CORO2B: variants seen among roughly 807,000 people sequenced by gnomAD.
CORO2B encodes coronin-2B.
A neutral mutation model predicts 58.8 loss-of-function variants in CORO2B; 26 were observed. The ratio of observed to expected loss-of-function variants is 0.44; its 90% CI spans 0.32 to 0.61. The LOEUF is 0.61. Among genes scored for constraint, CORO2B ranks in the 20% least tolerant of loss-of-function variants. The pLI is 0.04. For synonymous variants in CORO2B, 242 were observed against 253.8 expected (o/e 0.95, Z 0.44); for missense variants, 460 against 645.1 (o/e 0.71, Z 3.11).
chr15:68,635,254 T>C (rs1192920573), intron 1 of CORO2B, among the ~76,000 whole-genome samples: 1 of 152,218 alleles, frequency 6.6e-6, no homozygotes, highest in African/African-American at 2.4e-5. Context: ...AGGCCATCTC[T>C]GAGCCAGCAG....
At chr15:68,534,055 A>G in the CORO2B span, among the ~76,000 whole-genome samples, 2 of 152,172 alleles carry the variant, frequency 1.3e-5, no homozygotes, top group Non-Finnish European at 2.9e-5. Context: ...TTCTCCATGC[A>G]TGCTGATACT....
chr15:68,587,047 T>TACAC (rs1491576017), intron 1 of CORO2B, among the ~76,000 whole-genome samples: 3 of 141,734 alleles, frequency 2.1e-5, no homozygotes, highest in Admixed American at 7.0e-5. Flanking sequence ...GGGAGATATG[T>TACAC]ATACACACAC....
intron 2 of CORO2B, among the ~76,000 whole-genome samples, chr15:68,669,912 C>T (rs1172902817): frequency 6.6e-6 from 1 of 151,720 alleles, no homozygotes. Flanking sequence ...CAAAAATTAG[C>T]CAGGCATGAT....
At chr15:68,702,223 T>G (rs973179045) in intron 3 of CORO2B, among the ~76,000 whole-genome samples, 2 of 152,196 alleles carry the variant, frequency 1.3e-5, no homozygotes, top group African/African-American at 4.8e-5. Context: ...CTTTCCTAGC[T>G]GTGACACCTG....
intron 3 of CORO2B, among the ~76,000 whole-genome samples, chr15:68,703,429 G>A (rs975862373): frequency 1.3e-5 from 2 of 152,090 alleles, no homozygotes; most frequent in Non-Finnish European, 1.5e-5. Flanking sequence ...GGGATTACAG[G>A]TGTGAGCCAC....
chr15:68,541,528 A>T, the CORO2B span, among the ~76,000 whole-genome samples: 1 of 152,182 alleles, frequency 6.6e-6, no homozygotes, highest in Non-Finnish European at 1.5e-5. Flanking sequence ...AACTCGAAGG[A>T]ATCTATATCA....
the CORO2B span, among the ~76,000 whole-genome samples, chr15:68,556,850 G>C: frequency 6.6e-6 from 1 of 152,156 alleles, no homozygotes; most frequent in South Asian, 2.1e-4. Context: ...ACCTCCTAGA[G>C]TTCTCCTTGT....
At chr15:68,588,174 C>T (rs1899616023) in intron 1 of CORO2B, among the ~76,000 whole-genome samples, 1 of 152,208 alleles carries the variant, frequency 6.6e-6, no homozygotes, top group African/African-American at 2.4e-5. Context: ...TATTTCAAGG[C>T]CCTCAGATTT....
At chr15:68,662,006 CAATA>C (rs201951631) in intron 2 of CORO2B, among the ~76,000 whole-genome samples, 12 of 151,200 alleles carry the variant, frequency 7.9e-5, no homozygotes, top group Middle Eastern at 6.9e-3. Flanking sequence ...GACCCTGTCT[CAATA>C]AATAAATAAA....
At chr15:68,574,133 T>C (rs1899235297), upstream of CORO2B, among the ~76,000 whole-genome samples, 2 of 151,940 alleles carry the variant, frequency 1.3e-5, no homozygotes, top group African/African-American at 4.8e-5. Context: ...ACAGACTGAG[T>C]TGCACAAGAG....
chr15:68,726,868 G>A lies in CORO2B; in HGVS notation c.*894G>A, dbSNP rs1181220533. ...TCACCAGTGCCCAAGTCTCTATGGA[G>A]AATGAGAACTGGAAGCCACTGCTAC... On this transcript the variant is annotated 3_prime_UTR_variant, in exon 12 of 12. Transcript: ENST00000261861. 1 of 152,258 alleles carries A rather than the reference G, an allele frequency of 6.6e-6. No homozygotes were observed. The highest frequency in any genetic ancestry group is 2.4e-5 in the African/African-American group (1 of 41,464). 9.4% of individuals were successfully genotyped at this position (152,258 alleles called of 1,614,324 possible).
chr15:68,671,609 C>T (rs1019087749), intron 2 of CORO2B, among the ~76,000 whole-genome samples: 5 of 152,174 alleles, frequency 3.3e-5, no homozygotes, highest in African/African-American at 7.2e-5. Flanking sequence ...TCTGAAGGCT[C>T]GACTGGGGAA....
intron 1 of CORO2B, among the ~76,000 whole-genome samples, chr15:68,629,905 C>A (rs1015067960): frequency 6.6e-6 from 1 of 152,126 alleles, no homozygotes; most frequent in Non-Finnish European, 1.5e-5. Context: ...AGGAAAAGCA[C>A]CCCAGTAGAA....
At chr15:68,676,111 G>A (rs1193996083) in intron 2 of CORO2B, among the ~76,000 whole-genome samples, 3 of 152,184 alleles carry the variant, frequency 2.0e-5, no homozygotes, top group Admixed American at 6.5e-5. Context: ...TGAGTTAGAC[G>A]CTCATCCTGG....
chr15:68,579,374 G>C (rs1899361596), intron 1 of CORO2B, 97 bp downstream of exon 1: 1 of 1,139,052 alleles, frequency 8.8e-7, no homozygotes, highest in Non-Finnish European at 1.1e-6. Context: ...TGGGGAGGGG[G>C]CGCCGGTGCC....
At chr15:68,559,531 G>T in the CORO2B span, 1 of 946,624 alleles carries the variant, frequency 1.1e-6, no homozygotes. This position sits in a 1 kb window ranked among gnomAD's most constrained non-coding sequence, Gnocchi z 4.3. Flanking sequence ...GTAGCGGGGA[G>T]GGCGAAGTTG....
chr15:68,578,191 A>T (rs1899325065), upstream of CORO2B, among the ~76,000 whole-genome samples: 1 of 152,116 alleles, frequency 6.6e-6, no homozygotes, highest in Non-Finnish European at 1.5e-5. The surrounding 1 kb of genome is among the most constrained non-coding windows in gnomAD (Gnocchi z 4.2). Context: ...AACACACAGG[A>T]CGCACCTGTG....
rs572247480 is a variant in CORO2B, at chr15:68,624,495, C to G, written c.16-20665C>G. ...GTGAAAGGTACTGTTCACAGTGTTT[C>G]CTCCAGCCTGGAACTGATATTAGGA... On this transcript the variant is annotated intron_variant, in intron 1 of 11. Transcript: ENST00000261861. Among the ~76,000 whole-genome samples, 5 of 152,124 alleles carry G rather than the reference C, an allele frequency of 3.3e-5. No individual in the cohort carries two copies. The South Asian group carries it at 1.0e-3, about 32-fold the overall frequency.
At chr15:68,594,935 T>C (rs1899790163) in intron 1 of CORO2B, among the ~76,000 whole-genome samples, 1 of 152,228 alleles carries the variant, frequency 6.6e-6, no homozygotes. Flanking sequence ...CTTAGGCAAG[T>C]TGTTAACCTC....
Sources: allele counts gnomAD v4.1 joint callset (sites outside exome capture counted in the v4.1 genomes callset), GRCh38; gene constraint gnomAD v4.1.1; non-coding constraint Gnocchi (gnomAD v3.1); transcripts MANE v1.5; gene names NCBI Gene and HGNC (gene_info 2026-07-23, HGNC 2026-07-21).